The following ZNF280D variants were observed in gnomAD, a reference collection of about 807,000 sequenced individuals.
The protein encoded by ZNF280D is suppressor of hairy wing homolog 4.
In ZNF280D, 39 loss-of-function variants were observed where a neutral mutation model predicts 94.7. The ratio of observed to expected loss-of-function variants is 0.41; its 90% CI spans 0.32 to 0.54. The LOEUF is 0.54. Ranked by LOEUF, ZNF280D falls within the 20% of genes least tolerant of loss-of-function variation. The probability of loss-of-function intolerance (pLI) is 0.22; values close to 1 mark genes in which losing one functional copy is unlikely to be tolerated. For missense variants in ZNF280D, 1,090 were observed against 1,149.3 expected (o/e 0.95, Z 0.75); for synonymous variants, 398 against 377.6 (o/e 1.05, Z -0.63).
At chr15:56,705,839 CA>C (rs1358380600) in intron 3 of ZNF280D, among the ~76,000 whole-genome samples, 1 of 151,780 alleles carries the variant, frequency 6.6e-6, no homozygotes, top group African/African-American at 2.4e-5. Flanking sequence ...ATTAGAGGGG[CA>C]GTAGGCACAT....
chr15:56,671,273 T>C (rs142511805), intron 13 of ZNF280D, among the ~76,000 whole-genome samples: 2 of 152,174 alleles, frequency 1.3e-5, no homozygotes, highest in African/African-American at 4.8e-5. Flanking sequence ...TGAATGGTAT[T>C]GCCTAGGTTT....
chr15:56,636,268 G>A (rs2140507776), intron 20 of ZNF280D, among the ~76,000 whole-genome samples: 1 of 152,262 alleles, frequency 6.6e-6, no homozygotes, highest in South Asian at 2.1e-4. Flanking sequence ...AAGTTACAAT[G>A]AATGTCTGCA....
At chr15:56,707,192 A>G in intron 2 of ZNF280D, 42 bp from the exon 3 acceptor site, 1 of 1,608,364 alleles carries the variant, frequency 6.2e-7, no homozygotes, top group Admixed American at 1.7e-5. Context: ...CACTTTAAGT[A>G]ACACCAAATA....
At chr15:56,652,618 A>T in intron 19 of ZNF280D, 6 of 983,678 alleles carry the variant, frequency 6.1e-6, no homozygotes, top group Non-Finnish European at 7.2e-6. Flanking sequence ...ACTGGTCACC[A>T]TATGTATGTT....
At chr15:56,637,519 A>G (rs2140516006) in intron 20 of ZNF280D, among the ~76,000 whole-genome samples, 1 of 152,210 alleles carries the variant, frequency 6.6e-6, no homozygotes, top group South Asian at 2.1e-4. Context: ...CTCAACAAAG[A>G]ATCAGTCAGT....
At chr15:56,644,792 T>A (rs534019195) in intron 19 of ZNF280D, among the ~76,000 whole-genome samples, 1 of 152,090 alleles carries the variant, frequency 6.6e-6, no homozygotes, top group Non-Finnish European at 1.5e-5. Context: ...GTGATGGAGG[T>A]TGGTGACAGA....
At chr15:56,681,113 T>C (rs1225936311) in intron 10 of ZNF280D, among the ~76,000 whole-genome samples, 1 of 152,194 alleles carries the variant, frequency 6.6e-6, no homozygotes, top group African/African-American at 2.4e-5. Context: ...GAAAAAACTT[T>C]GAAAATTATA....
At chr15:56,646,038 G>C (rs2052871010) in intron 19 of ZNF280D, among the ~76,000 whole-genome samples, 1 of 152,142 alleles carries the variant, frequency 6.6e-6, no homozygotes, top group South Asian at 2.1e-4. Flanking sequence ...GCTGATGTTA[G>C]AAATGTAATC....
At chr15:56,715,050 G>A (rs1056293533) in intron 1 of ZNF280D, among the ~76,000 whole-genome samples, 3 of 152,000 alleles carry the variant, frequency 2.0e-5, no homozygotes, top group Non-Finnish European at 4.4e-5. Flanking sequence ...ATAACGTGTT[G>A]GGGGCACCAT....
chr15:56,676,446 C>T (rs1400162263), intron 13 of ZNF280D, among the ~76,000 whole-genome samples: 1 of 152,018 alleles, frequency 6.6e-6, no homozygotes, highest in Non-Finnish European at 1.5e-5. Flanking sequence ...CTATTTCTAG[C>T]TATCTTTCAG....
intron 19 of ZNF280D, among the ~76,000 whole-genome samples, chr15:56,646,639 A>G (rs1217285500): frequency 2.6e-5 from 4 of 152,212 alleles, no homozygotes; most frequent in African/African-American, 9.6e-5. Flanking sequence ...CAGGTTGTAC[A>G]TATTTCAGGG....
At chr15:56,663,374 G>C (rs1406013749) in intron 16 of ZNF280D, among the ~76,000 whole-genome samples, 2 of 151,968 alleles carry the variant, frequency 1.3e-5, no homozygotes, top group Non-Finnish European at 2.9e-5. Context: ...GGATGGATTG[G>C]GGCAGGTATG....
intron 16 of ZNF280D, among the ~76,000 whole-genome samples, chr15:56,659,918 A>G (rs2053820510): frequency 2.0e-5 from 3 of 151,848 alleles, no homozygotes; most frequent in Non-Finnish European, 2.9e-5. Context: ...AAAAAAATAT[A>G]TATATATACA....
At chr15:56,636,871 C>T (rs1392428278) in intron 20 of ZNF280D, among the ~76,000 whole-genome samples, 16 of 152,050 alleles carry the variant, frequency 1.1e-4, no homozygotes, top group African/African-American at 3.9e-4. Flanking sequence ...CCACCCACCT[C>T]GGCCTCCCAA....
At chr15:56,647,448 C>T (rs754912895) in intron 19 of ZNF280D, among the ~76,000 whole-genome samples, 5 of 152,118 alleles carry the variant, frequency 3.3e-5, no homozygotes, top group Non-Finnish European at 5.9e-5. Flanking sequence ...GTGGTGCTTA[C>T]AGAACATTCA....
chr15:56,724,018 G>A (rs1250055753), intron 1 of ZNF280D, among the ~76,000 whole-genome samples: 1 of 152,160 alleles, frequency 6.6e-6, no homozygotes, highest in African/African-American at 2.4e-5. Flanking sequence ...TCATGATCAT[G>A]TGGCTGACTG....
Position 56,718,982 on chromosome 15 carries a change from T to C in ZNF280D, c.-85-11676A>G, listed in dbSNP as rs142964018. On this transcript the variant is annotated intron_variant, in intron 1 of 21. Coordinates refer to ENST00000267807, the MANE Select transcript of ZNF280D (RefSeq NM_017661.4). Reference sequence around the variant, plus strand: ...ACTCACCTACTCCTTTTTAACTCTTTAGAGATTCTCCAGATCACTTCCTCC... The same window carrying C: ...ACTCACCTACTCCTTTTTAACTCTTCAGAGATTCTCCAGATCACTTCCTCC... 2.7e-3 allele frequency among the ~76,000 whole-genome samples: 407 copies of C among 152,340 alleles called. 1 individual carries two copies. The highest frequency in any genetic ancestry group is 4.2e-3 in the Non-Finnish European group (286 of 68,030).
At chr15:56,670,961 T>C (rs1289281345) in intron 13 of ZNF280D, among the ~76,000 whole-genome samples, 2 of 152,176 alleles carry the variant, frequency 1.3e-5, no homozygotes, top group Non-Finnish European at 1.5e-5. Context: ...CATATCATTG[T>C]TGGCCGCATG....
chr15:56,635,085 T>C (rs2052283061), intron 21 of ZNF280D, 110 bp downstream of exon 21: 1 of 532,428 alleles, frequency 1.9e-6, no homozygotes, highest in African/African-American at 2.0e-5. Context: ...AAAATAGCAC[T>C]ATATACAAAC....
Sources: allele counts gnomAD v4.1 joint callset (sites outside exome capture counted in the v4.1 genomes callset), GRCh38; gene constraint gnomAD v4.1.1; transcripts MANE v1.5; gene names NCBI Gene and HGNC (gene_info 2026-07-23, HGNC 2026-07-21).